The following PRKN variants were observed in gnomAD, a reference collection of about 807,000 sequenced individuals.
The protein encoded by PRKN is E3 ubiquitin-protein ligase parkin.
Under a neutral mutation model 59.5 loss-of-function variants are expected in PRKN, and 56 were observed. The observed-to-expected ratio is 0.94, with a 90% confidence interval of 0.76 to 1.18. The LOEUF (loss-of-function observed/expected upper bound fraction) is 1.18, where lower values mean the gene tolerates loss of function less well. PRKN is among the 50% of genes most tolerant of loss of function. PRKN has a pLI of 0.00. For missense variants in PRKN, 657 were observed against 596.4 expected (o/e 1.10, Z -1.06); for synonymous variants, 250 against 222.1 (o/e 1.13, Z -1.12).
rs1017874358 is a variant in PRKN, at chr6:161,419,892, G to A, written c.1084-33015C>T. ...GGATTGCTGTAGAGATTCAAATACC[G>A]TGTTTAAGAAAGTTCCTAGCACTGC... On this transcript the variant is annotated intron_variant, in intron 9 of 11. Transcript: ENST00000366898. This position sits in a 1 kb window ranked among gnomAD's most constrained non-coding sequence, Gnocchi z 4.1. 7.9e-5 allele frequency among the ~76,000 whole-genome samples: 12 copies of A among 151,532 alleles called. No homozygotes were observed. Among genetic ancestry groups the A allele is most frequent in the African/African-American group, 2.2e-4 (9 of 41,208 alleles).
intron 1 of PRKN, among the ~76,000 whole-genome samples, chr6:162,498,103 A>G (rs186993778): frequency 7.5e-4 from 114 of 152,298 alleles, no homozygotes; most frequent in African/African-American, 2.5e-3. Context: ...GAATGTATAC[A>G]TCCTTTACAT....
At chr6:162,357,036 T>G (rs1177308805) in intron 2 of PRKN, among the ~76,000 whole-genome samples, 2 of 152,002 alleles carry the variant, frequency 1.3e-5, no homozygotes, top group African/African-American at 4.8e-5. Context: ...AGATAACAAA[T>G]AAGATCATCT....
At chr6:162,686,673 AAG>A (rs1777568533) in intron 1 of PRKN, among the ~76,000 whole-genome samples, 1 of 152,190 alleles carries the variant, frequency 6.6e-6, no homozygotes, top group Non-Finnish European at 1.5e-5. Flanking sequence ...CCACTTTGGG[AAG>A]TCAAGCTGGG....
chr6:161,867,740 C>CATTCATTTATTTATTTATTTATTT (rs377654828), intron 6 of PRKN, among the ~76,000 whole-genome samples: 4 of 137,536 alleles, frequency 2.9e-5, no homozygotes, highest in African/African-American at 1.2e-4. Context: ...AAAAATCTTT[C>CATTCATTTATTTATTTATTTATTT]ATTTATTTAT....
At chr6:161,948,386 G>C (rs1779860884) in intron 6 of PRKN, among the ~76,000 whole-genome samples, 1 of 152,174 alleles carries the variant, frequency 6.6e-6, no homozygotes, top group Admixed American at 6.5e-5. Flanking sequence ...ATACCTACCT[G>C]CTTCCTGCCA....
rs13193050 is a variant in PRKN at position 162,021,113 on chromosome 6, C to A, written c.618+32978G>T. On this transcript the variant is annotated intron_variant, in intron 5 of 11. Coordinates refer to ENST00000366898, the MANE Select transcript of PRKN (RefSeq NM_004562.3). ...ACGAGACTCTGTCTCAAAAAAAAAACAAAAACATATATATATATATATATA... is the reference window on the plus strand; with the variant it reads ...ACGAGACTCTGTCTCAAAAAAAAAAAAAAAACATATATATATATATATATA... 7.6e-3 allele frequency among the ~76,000 whole-genome samples: 104 copies of A among 13,674 alleles called. 4 individuals are homozygous for A. The highest frequency in any genetic ancestry group is 0.014 in the South Asian group (5 of 368). 9.0% of individuals were successfully genotyped at this position (13,674 alleles called of 152,430 possible). A position where few individuals can be genotyped will look rare whatever the true frequency, so the allele number is the denominator to read the frequency against.
Position 161,805,608 on chromosome 6 carries a change from C to T in PRKN, c.735-19700G>A, listed in dbSNP as rs532543729. On this transcript the variant is annotated intron_variant, in intron 6 of 11. Coordinates refer to ENST00000366898, the MANE Select transcript of PRKN (RefSeq NM_004562.3). ...TTCCAGGGCTCCAGCGCAGGCCCTC[C>T]GATGGCCATCACTACCCCCGGCTCC... 5.3e-5 allele frequency among the ~76,000 whole-genome samples: 8 copies of T among 152,328 alleles called. No individual in the cohort carries two copies. In the South Asian group the frequency reaches 1.5e-3, roughly 28 times the overall value.
At chr6:162,311,993 C>T (rs1428584353) in intron 2 of PRKN, among the ~76,000 whole-genome samples, 1 of 152,020 alleles carries the variant, frequency 6.6e-6, no homozygotes, top group Non-Finnish European at 1.5e-5. Flanking sequence ...TGCATGCATA[C>T]ACGTACACAC....
chr6:161,638,773 ACT>A (rs930158343), intron 7 of PRKN, among the ~76,000 whole-genome samples: 1 of 108,438 alleles, frequency 9.2e-6, no homozygotes. Flanking sequence ...ACAGACTCTC[ACT>A]CTTTCAGCCA....
intron 3 of PRKN, among the ~76,000 whole-genome samples, chr6:162,256,626 C>T (rs75758097): frequency 6.6e-6 from 1 of 151,996 alleles, no homozygotes; most frequent in Admixed American, 6.6e-5. Context: ...CCCATCTTGG[C>T]ATATGGGCAG....
At chr6:162,652,643 A>C (rs887596933) in intron 1 of PRKN, among the ~76,000 whole-genome samples, 5 of 152,134 alleles carry the variant, frequency 3.3e-5, no homozygotes, top group Non-Finnish European at 5.9e-5. Flanking sequence ...CCACTCTTCT[A>C]TTAGAATTGA....
At chr6:162,133,930 T>G (rs1325517999) in intron 4 of PRKN, among the ~76,000 whole-genome samples, 1 of 152,098 alleles carries the variant, frequency 6.6e-6, no homozygotes, top group Admixed American at 6.6e-5. Flanking sequence ...TTTGAGGCAT[T>G]TTTAGTAGAA....
intron 7 of PRKN, among the ~76,000 whole-genome samples, chr6:161,674,259 T>C (rs1785010603): frequency 1.3e-5 from 2 of 152,112 alleles, no homozygotes; most frequent in South Asian, 2.1e-4. Context: ...GCTGTCAACA[T>C]AGTAGACTGG....
intron 7 of PRKN, among the ~76,000 whole-genome samples, chr6:161,756,966 A>G (rs191554928): frequency 1.3e-3 from 195 of 152,320 alleles, no homozygotes; most frequent in Non-Finnish European, 2.1e-3. Context: ...CTTTCAACAA[A>G]GGTGCAAGAT....
chr6:161,857,881 T>C (rs1793720959), intron 6 of PRKN, among the ~76,000 whole-genome samples: 1 of 152,204 alleles, frequency 6.6e-6, no homozygotes, highest in South Asian at 2.1e-4. Flanking sequence ...AAATCACTCA[T>C]GACCTTAACA....
intron 6 of PRKN, among the ~76,000 whole-genome samples, chr6:161,861,060 C>T (rs1423058432): frequency 1.3e-5 from 2 of 152,294 alleles, no homozygotes; most frequent in South Asian, 2.1e-4. Flanking sequence ...TACCATTTGA[C>T]CTGGTAATCC....
chr6:161,824,110 C>T (rs551170655), intron 6 of PRKN, among the ~76,000 whole-genome samples: 2 of 152,278 alleles, frequency 1.3e-5, no homozygotes, highest in Admixed American at 6.5e-5. Context: ...GCATGGCTTC[C>T]AAGGATCCTC....
chr6:162,415,757 C>T (rs1042955982), intron 2 of PRKN, among the ~76,000 whole-genome samples: 2 of 152,102 alleles, frequency 1.3e-5, no homozygotes, highest in Admixed American at 6.6e-5. Context: ...GCAGAGGATG[C>T]AGTGAGCCCA....
rs1196707869 is a variant in PRKN, at chr6:161,551,913, G to T, written c.934-2910C>A. Reference sequence around the variant, plus strand: ...GAGGGGAGGATCTAAAGGATGTGTGGAGGGTTGGCCTTCAGAGAGCAGGCA... The same window carrying T: ...GAGGGGAGGATCTAAAGGATGTGTGTAGGGTTGGCCTTCAGAGAGCAGGCA... On this transcript the variant is annotated intron_variant, in intron 8 of 11. Coordinates refer to ENST00000366898, the MANE Select transcript of PRKN (RefSeq NM_004562.3). This position sits in a 1 kb window ranked among gnomAD's most constrained non-coding sequence, Gnocchi z 5.2. Among the ~76,000 whole-genome samples the T allele has an allele frequency of 6.6e-6, 1 of 152,188 alleles. No individual in the cohort carries two copies. Among genetic ancestry groups the T allele is most frequent in the African/African-American group, 2.4e-5 (1 of 41,450 alleles).
Sources: allele counts gnomAD v4.1 joint callset (sites outside exome capture counted in the v4.1 genomes callset), GRCh38; gene constraint gnomAD v4.1.1; non-coding constraint Gnocchi (gnomAD v3.1); transcripts MANE v1.5; gene names NCBI Gene and HGNC (gene_info 2026-07-23, HGNC 2026-07-21).